POU6F2: variants seen among roughly 807,000 people sequenced by gnomAD.
POU6F2 encodes the protein POU class 6 homeobox 2.
In POU6F2, 31 loss-of-function variants were observed where a neutral mutation model predicts 71.3. The observed-to-expected ratio is 0.43, with a 90% CI of 0.33 to 0.59. The LOEUF is 0.59. Ranked by LOEUF, POU6F2 falls within the 20% of genes least tolerant of loss-of-function variation. POU6F2 has a pLI of 0.04. For missense variants in POU6F2, 783 were observed against 856.8 expected (o/e 0.91, Z 1.07); for synonymous variants, 347 against 355.7 (o/e 0.98, Z 0.27).
chr7:39,406,033 G>A (rs1195138356), intron 5 of POU6F2: 1 of 153,728 alleles, frequency 6.5e-6, no homozygotes, highest in Non-Finnish European at 1.4e-5. Flanking sequence ...AGAGCACGGA[G>A]GCCATAAATT....
At chr7:39,228,949 C>A (rs1257653918) in intron 4 of POU6F2, among the ~76,000 whole-genome samples, 1 of 152,148 alleles carries the variant, frequency 6.6e-6, no homozygotes, top group African/African-American at 2.4e-5. Flanking sequence ...CTCTGGGGAC[C>A]AGGCTTAGGC....
chr7:39,403,022 G>A (rs1234210077), intron 5 of POU6F2, among the ~76,000 whole-genome samples: 1 of 152,132 alleles, frequency 6.6e-6, no homozygotes, highest in Non-Finnish European at 1.5e-5. Context: ...CTAACCCTGT[G>A]TGTGATATTC....
chr7:39,345,512 A>G (rs1487909366), intron 5 of POU6F2, among the ~76,000 whole-genome samples: 1 of 152,236 alleles, frequency 6.6e-6, no homozygotes, highest in Non-Finnish European at 1.5e-5. Flanking sequence ...TCTTCATTGC[A>G]CAGATCTAAT....
At chr7:39,204,775 G>A (rs1024081101) in intron 3 of POU6F2, among the ~76,000 whole-genome samples, 1 of 151,946 alleles carries the variant, frequency 6.6e-6, no homozygotes, top group African/African-American at 2.4e-5. Flanking sequence ...TGACAATACT[G>A]TACATCACAC....
In POU6F2 at chr7:39,085,849, G is replaced by A. The variant is rs747112077; in HGVS notation, c.106-11G>A. On this transcript the variant is annotated splice_polypyrimidine_tract_variant and intron_variant, in intron 1 of 9. Coordinates refer to ENST00000518318, the MANE Select transcript of POU6F2 (RefSeq NM_001370959.1). ...TTTTTTCCTCCCCTTCACTCTTTTC[G>A]CCCATCCTAGGATCCAATGATAGCT... 3.1e-6 allele frequency: 5 copies of A among 1,612,216 alleles called. No homozygotes were observed. Among genetic ancestry groups the A allele is most frequent in the African/African-American group, 2.7e-5 (2 of 74,682 alleles).
intron 1 of POU6F2, among the ~76,000 whole-genome samples, chr7:38,986,443 G>T (rs1788466723): frequency 6.6e-6 from 1 of 152,070 alleles, no homozygotes; most frequent in Non-Finnish European, 1.5e-5. Flanking sequence ...GGGCTCTTTG[G>T]TTTGCAATGT....
Position 39,347,112 on chromosome 7 carries a change from G to A in POU6F2, c.972+7097G>A, listed in dbSNP as rs568134597. On this transcript the variant is annotated intron_variant, in intron 5 of 9. Transcript: ENST00000518318. ...TCACTGGTCAGACAGTTGGTGTGGG[G>A]ATTAAATGCAATGGCTTATGTGAGG... Among the ~76,000 whole-genome samples the A allele has an allele frequency of 2.6e-5, 4 of 152,268 alleles. 1 individual carries two copies. The South Asian group carries it at 8.3e-4, about 32-fold the overall frequency.
intron 1 of POU6F2, among the ~76,000 whole-genome samples, chr7:39,052,816 G>C (rs748969327): frequency 6.6e-6 from 1 of 152,168 alleles, no homozygotes; most frequent in South Asian, 2.1e-4. Context: ...TGTTAATTCA[G>C]TATTTATGGG....
chr7:39,445,195 C>A (rs889170261), intron 7 of POU6F2, among the ~76,000 whole-genome samples: 1 of 152,144 alleles, frequency 6.6e-6, no homozygotes, highest in African/African-American at 2.4e-5. Flanking sequence ...AATCAATGTT[C>A]CTTCCTAGCC....
chr7:39,353,813 T>C (rs1294676416), intron 5 of POU6F2, among the ~76,000 whole-genome samples: 1 of 152,172 alleles, frequency 6.6e-6, no homozygotes, highest in Non-Finnish European at 1.5e-5. Flanking sequence ...TGCCAAGTCT[T>C]TTACTCGGAA....
rs545328334 is a variant in POU6F2 at position 39,277,929 on chromosome 7, C to T, written c.599-61713C>T. On this transcript the variant is annotated intron_variant, in intron 4 of 9. Coordinates refer to ENST00000518318, the MANE Select transcript of POU6F2 (RefSeq NM_001370959.1). ...AAAATTACCTGGGTGTGGTGGCACG[C>T]GCCTGTAGTCCCAGCTACTTGGGAG... Among the ~76,000 whole-genome samples the T allele has an allele frequency of 3.2e-3, 492 of 152,064 alleles. 2 individuals are homozygous for T. The highest frequency in any genetic ancestry group is 0.011 in the African/African-American group (463 of 41,494).
At chr7:39,014,602 T>C (rs138504591) in intron 1 of POU6F2, among the ~76,000 whole-genome samples, 7 of 152,340 alleles carry the variant, frequency 4.6e-5, no homozygotes, top group African/African-American at 1.7e-4. Context: ...TGGAATCTTA[T>C]GGATTCAGAA....
chr7:39,392,289 C>A (rs1787088390), intron 5 of POU6F2, among the ~76,000 whole-genome samples: 1 of 152,166 alleles, frequency 6.6e-6, no homozygotes, highest in South Asian at 2.1e-4. Context: ...TATTAAAACC[C>A]AGATTGCTGC....
At chr7:39,461,721 T>G (rs1788953488) in intron 9 of POU6F2, among the ~76,000 whole-genome samples, 1 of 152,200 alleles carries the variant, frequency 6.6e-6, no homozygotes, top group East Asian at 1.9e-4. Context: ...TGATTTCCCA[T>G]AAAACCCATT....
chr7:39,201,929 T>C (rs1357638471), intron 2 of POU6F2, among the ~76,000 whole-genome samples: 2 of 152,068 alleles, frequency 1.3e-5, no homozygotes, highest in Non-Finnish European at 2.9e-5. Flanking sequence ...ATACATCTGT[T>C]TGGGGAAAAT....
At chr7:39,382,570 A>C (rs941000212) in intron 5 of POU6F2, among the ~76,000 whole-genome samples, 11 of 152,220 alleles carry the variant, frequency 7.2e-5, no homozygotes, top group African/African-American at 2.4e-4. Context: ...GGTATGCAGG[A>C]TGAGGCAAGC....
At chr7:39,403,623 G>A (rs1052953580) in intron 5 of POU6F2, among the ~76,000 whole-genome samples, 8 of 152,060 alleles carry the variant, frequency 5.3e-5, no homozygotes, top group African/African-American at 9.7e-5. Flanking sequence ...AAATCTACCC[G>A]GAGTCTCCAA....
intron 8 of POU6F2, among the ~76,000 whole-genome samples, chr7:39,458,039 A>G (rs1788846415): frequency 7.3e-6 from 1 of 136,242 alleles, no homozygotes; most frequent in Admixed American, 7.8e-5. Flanking sequence ...ACATTTTAAT[A>G]CCACAGATAT....
chr7:39,273,404 G>A (rs1178452552), intron 4 of POU6F2, among the ~76,000 whole-genome samples: 1 of 152,126 alleles, frequency 6.6e-6, no homozygotes, highest in East Asian at 1.9e-4. Flanking sequence ...TTGCCTCTGT[G>A]GTGTTCTTTC....
Sources: allele counts gnomAD v4.1 joint callset (sites outside exome capture counted in the v4.1 genomes callset), GRCh38; gene constraint gnomAD v4.1.1; transcripts MANE v1.5; gene names NCBI Gene and HGNC (gene_info 2026-07-23, HGNC 2026-07-21).